The following CERT1 variants were observed in gnomAD, a reference collection of about 807,000 sequenced individuals.
CERT1 encodes the protein ceramide transfer protein.
Under a neutral mutation model 87.9 loss-of-function variants are expected in CERT1, and 31 were observed. That is an observed-to-expected ratio of 0.35 (90% confidence interval 0.27 to 0.48). The LOEUF is 0.48. Ranked by LOEUF, CERT1 falls within the 20% of genes least tolerant of loss-of-function variation. The pLI, the probability that CERT1 is intolerant of heterozygous loss-of-function variation, is 0.99. For missense variants in CERT1, 487 were observed against 758.0 expected (o/e 0.64, Z 4.20); for synonymous variants, 289 against 250.9 (o/e 1.15, Z -1.44).
intron 9 of CERT1, chr5:75,401,931 A>C (rs1219741518): frequency 6.6e-6 from 1 of 152,216 alleles, no homozygotes; most frequent in Non-Finnish European, 1.5e-5. Context: ...CTTGCCCCCC[A>C]AAAAGGTTAA....
intron 1 of CERT1, among the ~76,000 whole-genome samples, chr5:75,510,182 G>A (rs1767865336): frequency 6.6e-6 from 1 of 152,108 alleles, no homozygotes; most frequent in African/African-American, 2.4e-5. Flanking sequence ...GACTGGCCCA[G>A]CTCCCCCTCT....
chr5:75,437,737 G>C (rs1174784491), intron 3 of CERT1, among the ~76,000 whole-genome samples: 1 of 145,690 alleles, frequency 6.9e-6, no homozygotes, highest in East Asian at 2.0e-4. Flanking sequence ...CTGCACTCCA[G>C]CCTGGGCAAC....
chr5:75,394,783 T>C (rs1762179517), intron 11 of CERT1, among the ~76,000 whole-genome samples: 1 of 152,178 alleles, frequency 6.6e-6, no homozygotes, highest in African/African-American at 2.4e-5. Flanking sequence ...TCATGGCCTT[T>C]GTTCCCACAA....
intron 3 of CERT1, among the ~76,000 whole-genome samples, chr5:75,456,481 C>G (rs1256865621): frequency 6.6e-6 from 1 of 151,704 alleles, no homozygotes; most frequent in African/African-American, 2.4e-5. Context: ...TCAGCCTGGG[C>G]AACATGGCGA....
At chr5:75,503,011 T>A (rs1360413510) in intron 2 of CERT1, among the ~76,000 whole-genome samples, 1 of 152,102 alleles carries the variant, frequency 6.6e-6, no homozygotes, top group Non-Finnish European at 1.5e-5. Flanking sequence ...ACCTACTTAC[T>A]GTCAATCCTT....
chr5:75,391,943 A>G (rs1266697608), intron 11 of CERT1, among the ~76,000 whole-genome samples: 1 of 152,198 alleles, frequency 6.6e-6, no homozygotes, highest in Non-Finnish European at 1.5e-5. Flanking sequence ...GAAGAACAGA[A>G]GAATTTTATT....
At chr5:75,396,412 A>C (rs1762255202) in intron 11 of CERT1, among the ~76,000 whole-genome samples, 1 of 152,178 alleles carries the variant, frequency 6.6e-6, no homozygotes, top group African/African-American at 2.4e-5. Flanking sequence ...CTGTGGAGTA[A>C]CTGATGTATA....
intron 13 of CERT1, among the ~76,000 whole-genome samples, chr5:75,385,330 G>C (rs550401381): frequency 1.3e-5 from 2 of 152,212 alleles, no homozygotes; most frequent in African/African-American, 4.8e-5. Context: ...AAAATTAGCT[G>C]GGCGTGATGG....
chr5:75,381,991 A>C lies in CERT1; in HGVS notation c.1575T>G (p.Thr525=). The change falls in exon 15 of 17, where the codon ACT becomes ACG. Residue 525 remains threonine, a synonymous_variant. Coordinates refer to ENST00000643780, the MANE Select transcript of CERT1 (RefSeq NM_001379029.1). Reference sequence around the variant, plus strand: ...CCACAGAAAAATTACAAACTATCCAAGTTTCAGGGTCATTTTCAGTCAAGG... The same window carrying C: ...CCACAGAAAAATTACAAACTATCCACGTTTCAGGGTCATTTTCAGTCAAGG... ...IPALTENDPE[T]WIVCNFSVDH... is the part of the protein sequence containing the mutation. The C allele has an allele frequency of 6.2e-7, 1 of 1,613,920 alleles. No homozygotes were observed. Among genetic ancestry groups the C allele is most frequent in the Non-Finnish European group, 8.5e-7 (1 of 1,179,906 alleles).
At chr5:75,441,677 A>G (rs541879227) in intron 3 of CERT1, among the ~76,000 whole-genome samples, 5 of 152,272 alleles carry the variant, frequency 3.3e-5, no homozygotes, top group African/African-American at 1.2e-4. Context: ...TACAGTATTT[A>G]TCTTTTGGTG....
At chr5:75,509,108 T>C (rs908757794) in intron 1 of CERT1, among the ~76,000 whole-genome samples, 1 of 152,164 alleles carries the variant, frequency 6.6e-6, no homozygotes, top group Non-Finnish European at 1.5e-5. Flanking sequence ...AAAATACCCT[T>C]TGAACTGGTA....
chr5:75,407,856 C>CTT (rs758743663), intron 8 of CERT1, among the ~76,000 whole-genome samples: 23 of 93,564 alleles, frequency 2.5e-4, no homozygotes, highest in African/African-American at 8.5e-4. Flanking sequence ...TGAAGGAATT[C>CTT]TTTTTTTTTT....
chr5:75,444,331 A>G (rs1164749485), intron 3 of CERT1, among the ~76,000 whole-genome samples: 1 of 151,912 alleles, frequency 6.6e-6, no homozygotes, highest in African/African-American at 2.4e-5. Context: ...TGGAATTACA[A>G]ATGTGAGCCA....
intron 11 of CERT1, among the ~76,000 whole-genome samples, chr5:75,396,940 A>C (rs1762282678): frequency 6.6e-6 from 1 of 152,140 alleles, no homozygotes; most frequent in South Asian, 2.1e-4. Context: ...CAGATAACAC[A>C]ATGTTTCTCA....
chr5:75,460,265 G>C (rs1330791497), intron 2 of CERT1, among the ~76,000 whole-genome samples: 2 of 152,012 alleles, frequency 1.3e-5, no homozygotes, highest in Admixed American at 6.6e-5. Context: ...AACAAAGCAA[G>C]ATAAAAATGT....
At chr5:75,511,070 G>GT in intron 1 of CERT1, 42 bp downstream of exon 1, 2 of 1,497,130 alleles carry the variant, frequency 1.3e-6, no homozygotes, top group Non-Finnish European at 8.9e-7. Flanking sequence ...CTCGCTGCAG[G>GT]TGAGTCTGGC....
chr5:75,395,286 C>T (rs1762201632), intron 11 of CERT1, among the ~76,000 whole-genome samples: 1 of 152,134 alleles, frequency 6.6e-6, no homozygotes, highest in South Asian at 2.1e-4. Context: ...TCTTTCTATT[C>T]TCTGTACACC....
Position 75,389,582 on chromosome 5 carries a change from G to A in CERT1, c.1284+10C>T, listed in dbSNP as rs1376682230. The A allele has an allele frequency of 1.2e-6, 2 of 1,606,252 alleles. No individual in the cohort carries two copies. Among genetic ancestry groups the A allele is most frequent in the Non-Finnish European group, 1.7e-6 (2 of 1,173,046 alleles). On this transcript the variant is annotated intron_variant, in intron 12 of 16. Coordinates refer to ENST00000643780, the MANE Select transcript of CERT1 (RefSeq NM_001379029.1). ...CCTTTGGCAATCTATAACATTTCAGGGGGAATTACCTTCATTTCTCCTTCT... is the reference window on the plus strand; with the variant it reads ...CCTTTGGCAATCTATAACATTTCAGAGGGAATTACCTTCATTTCTCCTTCT...
rs1199101759 is a variant in CERT1, at chr5:75,511,502, C to A, written c.-295G>T. ...GCCCGGCGCTGCCACCCGAACTTAG[C>A]CCCCTCGATGCCAATTTCAAATAGG... is the stretch of plus-strand genomic sequence containing the variant. On this transcript the variant is annotated 5_prime_UTR_variant, in exon 1 of 17. Coordinates refer to ENST00000643780, the MANE Select transcript of CERT1 (RefSeq NM_001379029.1). 5.4e-6 allele frequency: 8 copies of A among 1,485,044 alleles called. No individual in the cohort carries two copies. The highest frequency in any genetic ancestry group is 7.1e-6 in the Non-Finnish European group (8 of 1,119,424). 92.0% of individuals were successfully genotyped at this position (1,485,044 alleles called of 1,614,324 possible).
Sources: gnomAD v4.1 joint callset for allele counts (sites outside exome capture counted in the v4.1 genomes callset) on GRCh38, gnomAD v4.1.1 for gene constraint, MANE v1.5 for transcripts, NCBI Gene and HGNC (gene_info 2026-07-23, HGNC 2026-07-21) for gene names.